Variants in PHLDB2 observed in about 807,000 individuals in gnomAD.
PHLDB2 encodes pleckstrin homology-like domain family B member 2.
A neutral mutation model predicts 123.6 loss-of-function variants in PHLDB2; 71 were observed. The observed-to-expected ratio is 0.57, with a 90% confidence interval of 0.47 to 0.70. PHLDB2 has a LOEUF of 0.70. Ranked by LOEUF, PHLDB2 falls within the 30% of genes least tolerant of loss-of-function variation. PHLDB2 has a pLI of 0.00. For missense variants in PHLDB2, 1,446 were observed against 1,519.5 expected, an observed-to-expected ratio of 0.95 and a Z score of 0.80; for synonymous variants, 547 against 541.6, an observed-to-expected ratio of 1.01 and a Z score of -0.14.
chr3:111,863,394 A>G (rs1355286858), intron 1 of PHLDB2, among the ~76,000 whole-genome samples: 4 of 152,194 alleles, frequency 2.6e-5, no homozygotes, highest in Non-Finnish European at 5.9e-5. Context: ...CTGAGTATGG[A>G]AGAAAAAAAG....
intron 1 of PHLDB2, among the ~76,000 whole-genome samples, chr3:111,738,989 C>T (rs999082157): frequency 7.2e-5 from 11 of 152,246 alleles, no homozygotes; most frequent in East Asian, 1.9e-4. Context: ...CAAGTCACTT[C>T]GGCTTTCGTG....
chr3:111,923,239 C>T (rs2068623114), intron 5 of PHLDB2, among the ~76,000 whole-genome samples: 1 of 152,188 alleles, frequency 6.6e-6, no homozygotes, highest in Non-Finnish European at 1.5e-5. Context: ...TGGTGCCCAG[C>T]CTGCTGGGTG....
intron 1 of PHLDB2, among the ~76,000 whole-genome samples, chr3:111,741,581 G>T (rs895602249): frequency 2.6e-5 from 4 of 152,042 alleles, no homozygotes; most frequent in Admixed American, 1.3e-4. Context: ...TACGTGGAAA[G>T]AATTTTAATA....
chr3:111,777,148 T>A (rs1322392176), intron 1 of PHLDB2, among the ~76,000 whole-genome samples: 2 of 138,406 alleles, frequency 1.4e-5, no homozygotes, highest in Non-Finnish European at 3.1e-5. Flanking sequence ...AGAAAGTGAT[T>A]CTTACTAGAA....
chr3:111,912,730 G>A (rs980242738), intron 2 of PHLDB2, among the ~76,000 whole-genome samples: 2 of 152,166 alleles, frequency 1.3e-5, no homozygotes, highest in Non-Finnish European at 2.9e-5. Context: ...TTAAGCACAA[G>A]TATTAAGTCA....
chr3:111,971,676 T>C (rs2072194372), intron 16 of PHLDB2, among the ~76,000 whole-genome samples: 1 of 152,174 alleles, frequency 6.6e-6, no homozygotes, highest in South Asian at 2.1e-4. Flanking sequence ...AGCACAGGAA[T>C]AGACCAGTCC....
At chr3:111,740,409 G>A (rs2059583320) in intron 1 of PHLDB2, among the ~76,000 whole-genome samples, 1 of 152,032 alleles carries the variant, frequency 6.6e-6, no homozygotes, top group African/African-American at 2.4e-5. Flanking sequence ...GGGGATATCT[G>A]GTAATTTTCG....
intron 1 of PHLDB2, among the ~76,000 whole-genome samples, chr3:111,816,474 TG>T (rs1188227171): frequency 6.6e-6 from 1 of 152,216 alleles, no homozygotes; most frequent in Non-Finnish European, 1.5e-5. Context: ...GAGATTATTT[TG>T]GAGCTTTAAG....
intron 2 of PHLDB2, among the ~76,000 whole-genome samples, chr3:111,895,873 C>CATCTATCT (rs66478861): frequency 0.01 from 1,532 of 148,668 alleles, 21 homozygotes; most frequent in African/African-American, 0.036. Context: ...TCTATCTATC[C>CATCTATCT]ATCTATCTAT....
intron 1 of PHLDB2, among the ~76,000 whole-genome samples, chr3:111,770,494 C>T (rs1278686911): frequency 6.6e-6 from 1 of 152,158 alleles, no homozygotes; most frequent in African/African-American, 2.4e-5. Context: ...CCAGACACAA[C>T]AATTCTCTTG....
At chr3:111,865,119 C>T (rs17424897) in intron 1 of PHLDB2, among the ~76,000 whole-genome samples, 5,351 of 152,286 alleles carry the variant, frequency 0.035, 129 homozygotes, top group Non-Finnish European at 0.05. Context: ...TAGTGCCGCA[C>T]AGCCAAGAGA....
chr3:111,732,779 G>C, intron 1 of PHLDB2: 1 of 1,290,552 alleles, frequency 7.7e-7, no homozygotes, highest in African/African-American at 1.5e-5. Flanking sequence ...CGTCACCAGA[G>C]TGTTTCTGAG....
intron 1 of PHLDB2, among the ~76,000 whole-genome samples, chr3:111,860,420 G>T (rs2064769509): frequency 6.6e-6 from 1 of 152,220 alleles, no homozygotes; most frequent in South Asian, 2.1e-4. Flanking sequence ...TGGAAGGCTT[G>T]GGGAGTATTT....
intron 5 of PHLDB2, among the ~76,000 whole-genome samples, chr3:111,923,242 G>A (rs189242466): frequency 6.6e-6 from 1 of 152,176 alleles, no homozygotes; most frequent in Non-Finnish European, 1.5e-5. Flanking sequence ...TGCCCAGCCT[G>A]CTGGGTGCTT....
chr3:111,803,044 T>G (rs2061435816), intron 1 of PHLDB2, among the ~76,000 whole-genome samples: 1 of 152,210 alleles, frequency 6.6e-6, no homozygotes, highest in Non-Finnish European at 1.5e-5. Flanking sequence ...ACAAAAAGTT[T>G]TATACTAATC....
intron 1 of PHLDB2, among the ~76,000 whole-genome samples, chr3:111,822,080 T>C (rs1318550336): frequency 1.3e-5 from 2 of 152,130 alleles, no homozygotes; most frequent in African/African-American, 4.8e-5. Context: ...ACCCTATATT[T>C]GGCAAATTTG....
intron 2 of PHLDB2, among the ~76,000 whole-genome samples, chr3:111,910,729 T>G (rs962670496): frequency 3.3e-5 from 5 of 152,248 alleles, no homozygotes; most frequent in African/African-American, 1.2e-4. Flanking sequence ...GGGAGAATTA[T>G]CTTATGACAG....
At chr3:111,842,801 T>C (rs2063753354) in intron 1 of PHLDB2, among the ~76,000 whole-genome samples, 1 of 152,204 alleles carries the variant, frequency 6.6e-6, no homozygotes, top group South Asian at 2.1e-4. Context: ...CACAAATCTA[T>C]TTTCTGTCTC....
Position 111,816,278 on chromosome 3 carries a change from A to G in PHLDB2, c.-48-29543A>G, listed in dbSNP as rs569095835. Among the ~76,000 whole-genome samples, 8 of 152,278 alleles carry G rather than the reference A, an allele frequency of 5.3e-5. No individual in the cohort carries two copies. The East Asian group carries it at 1.4e-3, about 26-fold the overall frequency. On this transcript the variant is annotated intron_variant, in intron 1 of 17. Coordinates refer to the PHLDB2 transcript ENST00000393923. ...AGAGGGCTACCATCCTGCAGACCCC[A>G]GAATGGTAGATCCACTGACAGCTTG... is the stretch of plus-strand genomic sequence containing the variant.
Sources: allele counts gnomAD v4.1 joint callset (sites outside exome capture counted in the v4.1 genomes callset), GRCh38; gene constraint gnomAD v4.1.1; transcripts MANE v1.5; gene names NCBI Gene and HGNC (gene_info 2026-07-23, HGNC 2026-07-21).